MAGI2: variants seen among roughly 807,000 people sequenced by gnomAD.
MAGI2 encodes membrane-associated guanylate kinase, WW and PDZ domain-containing protein 2.
A neutral mutation model predicts 133.3 loss-of-function variants in MAGI2; 35 were observed. That is an observed-to-expected ratio of 0.26 (90% CI 0.20 to 0.35). The LOEUF is 0.35. Among genes scored for constraint, MAGI2 ranks in the 10% least tolerant of loss-of-function variants. MAGI2 has a pLI of 1.00. For missense variants in MAGI2, 1,636 were observed against 1,863.4 expected (o/e 0.88, Z 2.25); for synonymous variants, 729 against 710.6 (o/e 1.03, Z -0.41).
At chr7:78,361,926 T>C (rs1792859609) in intron 7 of MAGI2, among the ~76,000 whole-genome samples, 1 of 152,076 alleles carries the variant, frequency 6.6e-6, no homozygotes, top group African/African-American at 2.4e-5. Context: ...ATGAAGCACC[T>C]CCAGATCTTG....
chr7:79,378,854 T>C (rs939143873), intron 1 of MAGI2, among the ~76,000 whole-genome samples: 1 of 148,126 alleles, frequency 6.8e-6, no homozygotes, highest in African/African-American at 2.5e-5. Flanking sequence ...CAGTGGGGTT[T>C]CATTCTTTCT....
chr7:79,370,738 G>T (rs1328444169), intron 1 of MAGI2, among the ~76,000 whole-genome samples: 4 of 151,884 alleles, frequency 2.6e-5, no homozygotes, highest in African/African-American at 7.3e-5. Context: ...CCCTGGCTCT[G>T]CTTTGCTTGA....
chr7:79,441,441 T>G (rs1387422407), intron 1 of MAGI2, among the ~76,000 whole-genome samples: 1 of 152,190 alleles, frequency 6.6e-6, no homozygotes, highest in Admixed American at 6.5e-5. Flanking sequence ...AAAAGGGAGA[T>G]TTGGGATAAG....
chr7:79,077,400 C>CAA (rs546925760), intron 1 of MAGI2, among the ~76,000 whole-genome samples: 1 of 142,546 alleles, frequency 7.0e-6, no homozygotes, highest in African/African-American at 2.6e-5. Flanking sequence ...TAATAAAATA[C>CAA]AAAAAAAAAA....
intron 2 of MAGI2, among the ~76,000 whole-genome samples, chr7:78,961,440 T>G (rs188415652): frequency 6.6e-6 from 1 of 152,220 alleles, no homozygotes; most frequent in East Asian, 1.9e-4. Flanking sequence ...CTTTGGCTCT[T>G]ACTGGATTAC....
chr7:78,317,386 G>T (rs1053285624), intron 9 of MAGI2, among the ~76,000 whole-genome samples: 1 of 152,200 alleles, frequency 6.6e-6, no homozygotes, highest in Non-Finnish European at 1.5e-5. Flanking sequence ...CACAGAATTA[G>T]CCATTGGCCT....
At position 78,160,277 on chromosome 7, in the gene MAGI2, C is replaced by A; in HGVS notation, c.2597-4G>T. The A allele has an allele frequency of 3.8e-6, 6 of 1,574,248 alleles. No homozygotes were observed. The highest frequency in any genetic ancestry group is 5.2e-6 in the Non-Finnish European group (6 of 1,159,182). On this transcript the variant is annotated splice_polypyrimidine_tract_variant and splice_region_variant and intron_variant, in intron 15 of 21. Coordinates refer to ENST00000354212, the MANE Select transcript of MAGI2 (RefSeq NM_012301.4). ...CCGTTCTCTGGGCAGGGCTCCCCTG[C>A]AAAATATACCACACACAGGTAATCA... is the stretch of plus-strand genomic sequence containing the variant.
intron 1 of MAGI2, among the ~76,000 whole-genome samples, chr7:79,290,450 T>C (rs12706101): frequency 0.6 from 91,421 of 151,612 alleles, 29,250 homozygotes; most frequent in Non-Finnish European, 0.7. Context: ...TTCACCTCTG[T>C]TCTTTTTTGC....
intron 9 of MAGI2, among the ~76,000 whole-genome samples, chr7:78,289,019 G>A (rs542789431): frequency 1.6e-4 from 24 of 152,334 alleles, no homozygotes; most frequent in African/African-American, 5.8e-4. Flanking sequence ...CAGAAAAGCT[G>A]AAAATTCTAA....
At chr7:78,148,160 G>A (rs570499542) in intron 16 of MAGI2, among the ~76,000 whole-genome samples, 1 of 152,276 alleles carries the variant, frequency 6.6e-6, no homozygotes, top group African/African-American at 2.4e-5. Flanking sequence ...ACTAGGGAAT[G>A]GATAAGCAAA....
At chr7:78,048,700 G>A (rs1265484541) in intron 21 of MAGI2, among the ~76,000 whole-genome samples, 1 of 152,056 alleles carries the variant, frequency 6.6e-6, no homozygotes, top group South Asian at 2.1e-4. Flanking sequence ...GTTTGTCCCA[G>A]GGCTTCCACC....
chr7:78,574,696 A>C (rs533038113), intron 3 of MAGI2, among the ~76,000 whole-genome samples: 1 of 152,312 alleles, frequency 6.6e-6, no homozygotes, highest in Admixed American at 6.5e-5. Context: ...GTCCAATTTG[A>C]ATTCTTCTAA....
intron 1 of MAGI2, among the ~76,000 whole-genome samples, chr7:79,208,823 T>C (rs917218611): frequency 2.0e-5 from 3 of 151,994 alleles, no homozygotes; most frequent in Non-Finnish European, 4.4e-5. Flanking sequence ...ATATGGCATA[T>C]ATACATAATG....
At chr7:78,134,708 A>G (rs1359331167) in intron 17 of MAGI2, 1 of 227,818 alleles carries the variant, frequency 4.4e-6, no homozygotes, top group Non-Finnish European at 8.6e-6. Context: ...ATGAATTCTG[A>G]CTTAATATAA....
chr7:79,042,787 C>T (rs532273163), intron 1 of MAGI2, among the ~76,000 whole-genome samples: 9 of 152,142 alleles, frequency 5.9e-5, no homozygotes, highest in Non-Finnish European at 1.3e-4. Context: ...AATATACATT[C>T]TTCTCACCTG....
At chr7:78,528,513 T>A (rs372178389) in intron 3 of MAGI2, among the ~76,000 whole-genome samples, 2 of 152,156 alleles carry the variant, frequency 1.3e-5, no homozygotes, top group Admixed American at 6.5e-5. Flanking sequence ...AGAATCATAG[T>A]CATATAGCTA....
chr7:78,502,546 A>G (rs1794713911), intron 4 of MAGI2, among the ~76,000 whole-genome samples: 3 of 150,408 alleles, frequency 2.0e-5, no homozygotes, highest in Non-Finnish European at 4.4e-5. Context: ...GACCACCTTC[A>G]CATAACTTTC....
Position 78,949,492 on chromosome 7 carries a change from G to T in MAGI2, c.418+57598C>A, listed in dbSNP as rs1584478522. ...TATCTAGCACAATGGCCATTGATAAGAAGGGTTGCATATAAAGAAAGCATG... is the reference window on the plus strand; with the variant it reads ...TATCTAGCACAATGGCCATTGATAATAAGGGTTGCATATAAAGAAAGCATG... On this transcript the variant is annotated intron_variant, in intron 2 of 21. Coordinates refer to ENST00000354212, the MANE Select transcript of MAGI2 (RefSeq NM_012301.4). Among the ~76,000 whole-genome samples, 3 of 152,244 alleles carry T rather than the reference G, an allele frequency of 2.0e-5. No homozygotes were observed. The South Asian group carries it at 6.2e-4, about 32-fold the overall frequency.
At chr7:78,959,835 A>T (rs1202701021) in intron 2 of MAGI2, among the ~76,000 whole-genome samples, 1 of 152,162 alleles carries the variant, frequency 6.6e-6, no homozygotes, top group Non-Finnish European at 1.5e-5. Flanking sequence ...ACCGGCAAAC[A>T]CGGATGTGAG....
Sources: gnomAD v4.1 joint callset for allele counts (sites outside exome capture counted in the v4.1 genomes callset) on GRCh38, gnomAD v4.1.1 for gene constraint, MANE v1.5 for transcripts, NCBI Gene and HGNC (gene_info 2026-07-23, HGNC 2026-07-21) for gene names.